Variants in RAPGEF4 observed in about 807,000 individuals in gnomAD.
RAPGEF4 encodes the protein Rap guanine nucleotide exchange factor 4, also known as RAP guanine-nucleotide-exchange factor (GEF) 4.
In RAPGEF4, 66 loss-of-function variants were observed where a neutral mutation model predicts 147.9. The ratio of observed to expected loss-of-function variants is 0.45; its 90% confidence interval spans 0.37 to 0.55. The LOEUF (loss-of-function observed/expected upper bound fraction) is 0.55, where lower values mean the gene tolerates loss of function less well. RAPGEF4 is among the 20% of genes least tolerant of loss of function. RAPGEF4 has a pLI of 0.00. For synonymous variants in RAPGEF4, 419 were observed against 442.7 expected (o/e 0.95, Z 0.67); for missense variants, 1,071 against 1,257.3 (o/e 0.85, Z 2.24).
At chr2:172,964,428 G>A (rs1689626807) in intron 8 of RAPGEF4, among the ~76,000 whole-genome samples, 2 of 93,110 alleles carry the variant, frequency 2.1e-5, no homozygotes, top group Middle Eastern at 0.016. Context: ...TTTTTTTACG[G>A]CAAAGAAAGT....
At chr2:172,748,653 C>A (rs1429194194) in intron 1 of RAPGEF4, among the ~76,000 whole-genome samples, 1 of 152,128 alleles carries the variant, frequency 6.6e-6, no homozygotes, top group Non-Finnish European at 1.5e-5. Context: ...TCTGCCCCAG[C>A]CTCTCCCAAA....
At chr2:173,039,663 C>A (rs1684506310) in intron 29 of RAPGEF4, among the ~76,000 whole-genome samples, 1 of 152,170 alleles carries the variant, frequency 6.6e-6, no homozygotes, top group African/African-American at 2.4e-5. Context: ...AAGTTACACT[C>A]ACCACTTGCC....
At chr2:173,013,080 G>T (rs551423732) in intron 17 of RAPGEF4, among the ~76,000 whole-genome samples, 2 of 152,288 alleles carry the variant, frequency 1.3e-5, no homozygotes, top group African/African-American at 4.8e-5. Flanking sequence ...ATTTATGAAA[G>T]CCATTTTGCA....
chr2:172,883,732 G>T (rs954892578), intron 4 of RAPGEF4, among the ~76,000 whole-genome samples: 3 of 152,098 alleles, frequency 2.0e-5, no homozygotes. Context: ...GCTTCAGTTG[G>T]CAGTGTCTGG....
chr2:172,982,403 A>C (rs1482869649), intron 10 of RAPGEF4, among the ~76,000 whole-genome samples: 1 of 152,180 alleles, frequency 6.6e-6, no homozygotes, highest in African/African-American at 2.4e-5. Flanking sequence ...CTAGCCATCA[A>C]TATATACATT....
At chr2:172,778,134 C>T (rs1684349808) in intron 1 of RAPGEF4, among the ~76,000 whole-genome samples, 2 of 152,074 alleles carry the variant, frequency 1.3e-5, no homozygotes, top group Non-Finnish European at 2.9e-5. Context: ...GGCTAGTATG[C>T]GTGGTTCAAT....
chr2:172,894,399 A>G (rs888579113), intron 4 of RAPGEF4: 4 of 152,214 alleles, frequency 2.6e-5, no homozygotes, highest in African/African-American at 9.6e-5. Flanking sequence ...CTTTCCTGTG[A>G]TGGCTTCCAA....
intron 4 of RAPGEF4, among the ~76,000 whole-genome samples, chr2:172,816,241 G>A (rs761818249): frequency 2.0e-4 from 30 of 151,620 alleles, no homozygotes; most frequent in Admixed American, 3.3e-4. Context: ...ACATTTGATT[G>A]TTATATCTAA....
intron 23 of RAPGEF4, among the ~76,000 whole-genome samples, chr2:173,023,260 T>A (rs1696291851): frequency 6.6e-6 from 1 of 152,198 alleles, no homozygotes; most frequent in Admixed American, 6.5e-5. Context: ...AATGCTACTC[T>A]CCCAATTACC....
intron 25 of RAPGEF4, among the ~76,000 whole-genome samples, chr2:173,027,845 A>G (rs187068290): frequency 2.0e-5 from 3 of 152,356 alleles, no homozygotes; most frequent in Non-Finnish European, 4.4e-5. Context: ...TCTCCCTGAC[A>G]TGAATTTAAT....
At chr2:172,881,886 C>T (rs529104921) in intron 4 of RAPGEF4, among the ~76,000 whole-genome samples, 13 of 152,272 alleles carry the variant, frequency 8.5e-5, no homozygotes, top group African/African-American at 3.1e-4. Flanking sequence ...TGTTGTGAAG[C>T]TACTCTCTGA....
At chr2:172,897,913 A>T (rs1028931482) in intron 4 of RAPGEF4, among the ~76,000 whole-genome samples, 1 of 151,896 alleles carries the variant, frequency 6.6e-6, no homozygotes. Context: ...CAAGCTCCAG[A>T]TGAGATGCCT....
chr2:172,778,743 T>C (rs1278270914), intron 1 of RAPGEF4, among the ~76,000 whole-genome samples: 1 of 152,206 alleles, frequency 6.6e-6, no homozygotes, highest in Non-Finnish European at 1.5e-5. Context: ...AATAGTGTAA[T>C]ACCACATTTT....
intron 3 of RAPGEF4, among the ~76,000 whole-genome samples, chr2:172,808,563 C>A (rs1310161570): frequency 1.3e-5 from 2 of 152,194 alleles, no homozygotes. Flanking sequence ...ATAACCCATA[C>A]ATGTTTGTGA....
At chr2:172,762,264 T>C (rs1476588838) in intron 1 of RAPGEF4, among the ~76,000 whole-genome samples, 3 of 152,210 alleles carry the variant, frequency 2.0e-5, no homozygotes, top group Non-Finnish European at 4.4e-5. Context: ...TCCTTCTGCT[T>C]CCTGACTTCT....
intron 8 of RAPGEF4, among the ~76,000 whole-genome samples, chr2:172,963,274 C>T (rs1451617998): frequency 2.6e-5 from 4 of 152,074 alleles, no homozygotes; most frequent in Non-Finnish European, 5.9e-5. Context: ...CCATATCAGG[C>T]CCCCTACATA....
intron 1 of RAPGEF4, among the ~76,000 whole-genome samples, chr2:172,754,857 A>C (rs1695616845): frequency 6.6e-6 from 1 of 152,186 alleles, no homozygotes; most frequent in Admixed American, 6.5e-5. Context: ...CCTGGCTAAC[A>C]CGGTGAAACC....
Position 173,018,724 on chromosome 2 carries a change from A to G in RAPGEF4, c.2077A>G (p.Lys693Glu), listed in dbSNP as rs767505985. 1 of 1,614,136 alleles carries G rather than the reference A, an allele frequency of 6.2e-7. No individual in the cohort carries two copies. Among genetic ancestry groups the G allele is most frequent in the Non-Finnish European group, 8.5e-7 (1 of 1,180,020 alleles). ...TCGGGTGCCAGTGGCCACTTCGGTGAAGGAAGTCATCAGTGCAGTTGCCGA... is the reference window on the plus strand; with the variant it reads ...TCGGGTGCCAGTGGCCACTTCGGTGGAGGAAGTCATCAGTGCAGTTGCCGA... Reference protein sequence around the residue: ...TIRVPVATSVKEVISAVADKL... With the variant: ...TIRVPVATSVEEVISAVADKL... Residue 693 changes from lysine to glutamate, a missense_variant, in exon 22 of 31, where the codon AAG becomes GAG. Coordinates refer to ENST00000397081, the MANE Select transcript of RAPGEF4 (RefSeq NM_007023.4).
intron 4 of RAPGEF4, chr2:172,860,324 T>C: frequency 1.0e-6 from 1 of 985,476 alleles, no homozygotes; most frequent in Non-Finnish European, 1.2e-6. Flanking sequence ...GTTTTATCCA[T>C]GTATTTAGCA....
Sources: gnomAD v4.1 joint callset for allele counts (sites outside exome capture counted in the v4.1 genomes callset) on GRCh38, gnomAD v4.1.1 for gene constraint, MANE v1.5 for transcripts, NCBI Gene and HGNC (gene_info 2026-07-23, HGNC 2026-07-21) for gene names.